Variants in STAB2 observed in about 807,000 individuals in gnomAD.
The protein encoded by STAB2 is stabilin-2.
STAB2 carries 288 observed loss-of-function variants against 338.1 expected under a neutral mutation model. That is an observed-to-expected ratio of 0.85 (90% CI 0.77 to 0.94). The LOEUF is 0.94. STAB2 is among the 40% of genes least tolerant of loss of function. The pLI is 0.00. For missense variants in STAB2, 3,141 were observed against 3,210.1 expected (o/e 0.98, Z 0.52); for synonymous variants, 1,202 against 1,193.3 (o/e 1.01, Z -0.15).
intron 41 of STAB2, among the ~76,000 whole-genome samples, chr12:103,712,992 G>A (rs1338117684): frequency 6.6e-6 from 1 of 152,184 alleles, no homozygotes; most frequent in Non-Finnish European, 1.5e-5. Context: ...TTCAATGGCA[G>A]AATAATGCAG....
chr12:103,713,250 T>C (rs1229189234), intron 41 of STAB2, among the ~76,000 whole-genome samples: 3 of 152,338 alleles, frequency 2.0e-5, no homozygotes, highest in East Asian at 3.9e-4. Flanking sequence ...TGTCTGGTGC[T>C]AGAAAAAATG....
At chr12:103,731,833 T>C (rs1382484109) in intron 50 of STAB2, among the ~76,000 whole-genome samples, 198 bp downstream of exon 50, 2 of 152,208 alleles carry the variant, frequency 1.3e-5, no homozygotes, top group South Asian at 2.1e-4. Flanking sequence ...TGTTGAGCTA[T>C]ATAATGTACA....
At chr12:103,744,518 A>G (rs1271408430) in intron 56 of STAB2, among the ~76,000 whole-genome samples, 1 of 144,302 alleles carries the variant, frequency 6.9e-6, no homozygotes, top group Non-Finnish European at 1.5e-5. Context: ...CCAGACTGGT[A>G]TACAGTGGTG....
At chr12:103,710,062 G>C (rs534630420) in intron 39 of STAB2, among the ~76,000 whole-genome samples, 17 of 152,128 alleles carry the variant, frequency 1.1e-4, no homozygotes, top group African/African-American at 3.9e-4. Flanking sequence ...CAGTAGCCTT[G>C]TGGTCTCTTT....
intron 44 of STAB2, among the ~76,000 whole-genome samples, chr12:103,719,507 T>C (rs1880588519): frequency 6.6e-6 from 1 of 152,180 alleles, no homozygotes; most frequent in Non-Finnish European, 1.5e-5. Context: ...CTCTGAAGGC[T>C]CTGTGGGAAA....
chr12:103,680,139 A>T (rs1315497334), intron 25 of STAB2, among the ~76,000 whole-genome samples: 1 of 152,204 alleles, frequency 6.6e-6, no homozygotes, highest in African/African-American at 2.4e-5. Flanking sequence ...GAGAGGAACG[A>T]GGAGTTATTG....
chr12:103,691,953 A>T (rs1877975686), intron 30 of STAB2, among the ~76,000 whole-genome samples: 1 of 152,190 alleles, frequency 6.6e-6, no homozygotes, highest in East Asian at 1.9e-4. Context: ...CCCATTTCTT[A>T]TGCAATTCAT....
At position 103,766,411 on chromosome 12, in the gene STAB2, C is replaced by T. The variant is rs1278532194; in HGVS notation, c.*75C>T. The T allele has an allele frequency of 4.0e-5, 61 of 1,515,678 alleles. No individual in the cohort carries two copies. Among genetic ancestry groups the T allele is most frequent in the Non-Finnish European group, 5.4e-5 (60 of 1,119,580 alleles). The allele number at this position is 1,515,678 out of a possible 1,614,324, so 93.9% of individuals were successfully genotyped here. ...AACTGTGAATTCTCAGCACCAGTTG[C>T]CTTTTAGGAACGTAAAGTCCTTTAA... On this transcript the variant is annotated 3_prime_UTR_variant, in exon 69 of 69. Coordinates refer to ENST00000388887, the MANE Select transcript of STAB2 (RefSeq NM_017564.10).
chr12:103,702,138 T>TA (rs34319571), intron 34 of STAB2, among the ~76,000 whole-genome samples: 2 of 145,906 alleles, frequency 1.4e-5, no homozygotes, highest in Non-Finnish European at 3.0e-5. Flanking sequence ...TGTTCTTCCC[T>TA]AAAAAAAAAA....
intron 22 of STAB2, among the ~76,000 whole-genome samples, chr12:103,671,805 G>A (rs958537825): frequency 6.6e-6 from 1 of 152,082 alleles, no homozygotes. Context: ...AAAAAATAAA[G>A]TTATGCAACC....
At chr12:103,608,086 G>T (rs1305216216) in intron 3 of STAB2, among the ~76,000 whole-genome samples, 1 of 152,136 alleles carries the variant, frequency 6.6e-6, no homozygotes, top group Non-Finnish European at 1.5e-5. Context: ...ATTCTAACTG[G>T]TGTGAGATGG....
At chr12:103,750,013 A>G (rs1199839167) in intron 59 of STAB2, among the ~76,000 whole-genome samples, 1 of 152,164 alleles carries the variant, frequency 6.6e-6, no homozygotes, top group Admixed American at 6.5e-5. Flanking sequence ...GGAGGTGGCT[A>G]ATTACTCTCT....
At chr12:103,738,419 A>T (rs183921922) in intron 53 of STAB2, among the ~76,000 whole-genome samples, 230 of 152,310 alleles carry the variant, frequency 1.5e-3, no homozygotes, top group African/African-American at 5.2e-3. Flanking sequence ...CAATAATCCA[A>T]TAATAGGAAC....
chr12:103,598,130 A>G (rs1956903791), intron 3 of STAB2, among the ~76,000 whole-genome samples: 1 of 152,188 alleles, frequency 6.6e-6, no homozygotes, highest in African/African-American at 2.4e-5. Context: ...GAGTTCACTT[A>G]AAGAACATAT....
chr12:103,634,886 T>G (rs924920411), intron 6 of STAB2, among the ~76,000 whole-genome samples: 9 of 152,110 alleles, frequency 5.9e-5, no homozygotes, highest in Non-Finnish European at 1.0e-4. Context: ...CCAGGAAAAA[T>G]ATATAAAACC....
chr12:103,620,673 A>G, intron 4 of STAB2, 120 bp downstream of exon 4: 1 of 882,654 alleles, frequency 1.1e-6, no homozygotes, highest in Non-Finnish European at 1.7e-6. Context: ...ACACATATAC[A>G]GCGAAGTTCT....
At position 103,759,149 on chromosome 12, in the gene STAB2, A is replaced by G. The variant is rs1357981155; in HGVS notation, c.7124A>G (p.Asp2375Gly). 3 of 1,614,148 alleles carry G rather than the reference A, an allele frequency of 1.9e-6. No homozygotes were observed. Among genetic ancestry groups the G allele is most frequent in the African/African-American group, 2.7e-5 (2 of 75,026 alleles). The change falls in exon 65 of 69, where the codon GAC (aspartate) becomes GGC (glycine). Residue 2375 changes from aspartate to glycine, a missense_variant. Coordinates refer to ENST00000388887, the MANE Select transcript of STAB2 (RefSeq NM_017564.10). ...TTTTCTCAGACCTTGTCTGGGCGGG[A>G]CATCGAGCACCACCTCGCCAATGTC... Reference protein sequence around the residue: ...LGENETLSGRDIEHHLANVSM... With the variant: ...LGENETLSGRGIEHHLANVSM...
At chr12:103,680,715 T>C (rs1487849977) in intron 25 of STAB2, among the ~76,000 whole-genome samples, 1 of 152,222 alleles carries the variant, frequency 6.6e-6, no homozygotes, top group Non-Finnish European at 1.5e-5. Context: ...GCCAAGGCCC[T>C]GCACCTCACC....
intron 3 of STAB2, among the ~76,000 whole-genome samples, chr12:103,603,282 G>T (rs966541656): frequency 2.0e-5 from 3 of 152,154 alleles, no homozygotes; most frequent in African/African-American, 7.2e-5. Context: ...ATGTTAGCCA[G>T]GATGGTCTCG....
Sources: gnomAD v4.1 joint callset for allele counts (sites outside exome capture counted in the v4.1 genomes callset) on GRCh38, gnomAD v4.1.1 for gene constraint, MANE v1.5 for transcripts, NCBI Gene and HGNC (gene_info 2026-07-23, HGNC 2026-07-21) for gene names.